PPP4R2: variants seen among roughly 807,000 people sequenced by gnomAD.
The protein encoded by PPP4R2 is protein phosphatase 4 regulatory subunit 2, also known as serine/threonine-protein phosphatase 4 regulatory subunit 2.
PPP4R2 carries 13 observed loss-of-function variants against 47.2 expected under a neutral mutation model. The observed-to-expected ratio is 0.28, with a 90% CI of 0.18 to 0.44. The LOEUF is 0.44. PPP4R2 is among the 20% of genes least tolerant of loss of function. PPP4R2 has a pLI of 1.00. For missense variants in PPP4R2, 421 were observed against 491.2 expected, an observed-to-expected ratio of 0.86 and a Z score of 1.35; for synonymous variants, 151 against 163.3, an observed-to-expected ratio of 0.92 and a Z score of 0.57.
intron 2 of PPP4R2, among the ~76,000 whole-genome samples, chr3:73,022,380 A>G (rs1701978171): frequency 6.6e-6 from 1 of 152,166 alleles, no homozygotes. Context: ...TGAGGTATAT[A>G]GAAGGTCAAC....
intron 2 of PPP4R2, among the ~76,000 whole-genome samples, chr3:73,031,032 A>G (rs921977931): frequency 1.6e-4 from 24 of 152,060 alleles, no homozygotes; most frequent in African/African-American, 5.8e-4. Context: ...GAAGCTGGGT[A>G]ATGAAGGGAG....
chr3:73,025,945 A>G (rs1702055040), intron 2 of PPP4R2, among the ~76,000 whole-genome samples: 1 of 152,172 alleles, frequency 6.6e-6, no homozygotes. Flanking sequence ...CACAGACAAC[A>G]TTAGGTTATG....
At chr3:73,047,885 G>C (rs912573010) in intron 3 of PPP4R2, among the ~76,000 whole-genome samples, 6 of 151,922 alleles carry the variant, frequency 3.9e-5, no homozygotes, top group African/African-American at 1.5e-4. Flanking sequence ...GTTTTGTTTT[G>C]TTTGTTTTTG....
intron 4 of PPP4R2, among the ~76,000 whole-genome samples, chr3:73,059,661 G>A (rs901710901): frequency 2.6e-5 from 4 of 151,948 alleles, no homozygotes; most frequent in African/African-American, 4.8e-5. Flanking sequence ...GGTGTGGGCT[G>A]GGTGTGGTGG....
chr3:73,028,941 T>C (rs1404910962), intron 2 of PPP4R2, among the ~76,000 whole-genome samples: 1 of 152,094 alleles, frequency 6.6e-6, no homozygotes, highest in South Asian at 2.1e-4. Context: ...TCCAGAGCCG[T>C]CGCAGTTTTT....
Position 73,065,561 on chromosome 3 carries a change from G to A in PPP4R2, c.1093G>A (p.Glu365Lys). The A allele has an allele frequency of 6.2e-7, 1 of 1,613,138 alleles. No homozygotes were observed. The highest frequency in any genetic ancestry group is 8.5e-7 in the Non-Finnish European group (1 of 1,179,678). The change falls in exon 9 of 9, where the codon GAA becomes AAA. Residue 365 changes from glutamate (E) to lysine (K), a missense_variant. Physicochemically the swap from Glu to Lys is moderately conservative, Grantham distance 56 (BLOSUM62 1). Transcript: ENST00000356692. ...AGATTTGCTACATTCTGAAGGTAGT[G>A]AAAACGAAGGCCCTGTAAGTAGTAG... is the stretch of plus-strand genomic sequence containing the variant. ...EKDLLHSEGS[E>K]NEGPVSSSSS...
intron 2 of PPP4R2, among the ~76,000 whole-genome samples, chr3:73,006,664 T>C (rs547176742): frequency 6.6e-6 from 1 of 152,318 alleles, no homozygotes; most frequent in South Asian, 2.1e-4. Flanking sequence ...ACCTCTAGAT[T>C]GGAGCACTGT....
rs200407050 is a variant in PPP4R2 at position 73,012,472 on chromosome 3, T to A, written c.116+14314T>A. On this transcript the variant is annotated intron_variant, in intron 2 of 8. Coordinates refer to ENST00000356692, the MANE Select transcript of PPP4R2 (RefSeq NM_174907.4). The stretch of plus-strand genomic sequence containing the variant: ...CTGCCACCACACCTGGATAATTTTT[T>A]AAATATTTTTAGTAAAGACTGTGTT... Among the ~76,000 whole-genome samples, 24 of 152,236 alleles carry A rather than the reference T, an allele frequency of 1.6e-4. No homozygotes were observed. In the East Asian group the frequency reaches 2.3e-3, roughly 15 times the overall value.
chr3:73,036,430 G>A (rs1433496290), intron 2 of PPP4R2, among the ~76,000 whole-genome samples: 2 of 152,178 alleles, frequency 1.3e-5, no homozygotes, highest in Non-Finnish European at 2.9e-5. Flanking sequence ...TGTTTGAAAT[G>A]GATAGCCCAA....
chr3:73,003,915 G>C (rs561407305), intron 2 of PPP4R2, among the ~76,000 whole-genome samples: 41 of 152,178 alleles, frequency 2.7e-4, no homozygotes, highest in African/African-American at 9.6e-4. Flanking sequence ...GGCTGGGCTG[G>C]TCTCGAACTC....
chr3:73,044,008 T>C (rs1434251952), intron 2 of PPP4R2, among the ~76,000 whole-genome samples: 1 of 152,252 alleles, frequency 6.6e-6, no homozygotes. Flanking sequence ...TTTTTGTGTC[T>C]GGCTTATTTC....
intron 2 of PPP4R2, among the ~76,000 whole-genome samples, chr3:73,012,902 CT>C (rs202207828): frequency 0.11 from 13,142 of 120,438 alleles, 793 homozygotes; most frequent in East Asian, 0.32. Flanking sequence ...AGAATGTAGG[CT>C]TTTTTTTTTT....
chr3:73,042,414 G>T (rs1241789515), intron 2 of PPP4R2, among the ~76,000 whole-genome samples: 1 of 144,140 alleles, frequency 6.9e-6, no homozygotes, highest in South Asian at 2.2e-4. Flanking sequence ...ACCCAGGCTG[G>T]AGTGCGGTGC....
chr3:73,004,844 G>GGGGT (rs767172629), intron 2 of PPP4R2, among the ~76,000 whole-genome samples: 5 of 99,496 alleles, frequency 5.0e-5, no homozygotes, highest in African/African-American at 1.8e-4. Context: ...TACAGTGTGG[G>GGGGT]GTGTGTGTGT....
intron 2 of PPP4R2, among the ~76,000 whole-genome samples, chr3:73,018,331 G>T (rs1701883466): frequency 6.6e-6 from 1 of 151,286 alleles, no homozygotes; most frequent in South Asian, 2.1e-4. Flanking sequence ...ATTTAAGTAT[G>T]TGCAGATTTT....
intron 3 of PPP4R2, among the ~76,000 whole-genome samples, chr3:73,049,562 G>T (rs140606211): frequency 1.4e-4 from 21 of 152,128 alleles, no homozygotes; most frequent in Non-Finnish European, 2.4e-4. Context: ...ATAGTACTTA[G>T]ACATAGTGAG....
intron 3 of PPP4R2, among the ~76,000 whole-genome samples, chr3:73,058,545 G>A (rs1702775009): frequency 6.6e-6 from 1 of 151,544 alleles, no homozygotes; most frequent in Admixed American, 6.6e-5. Flanking sequence ...TAAATAGTAG[G>A]TTTACATATT....
intron 2 of PPP4R2, among the ~76,000 whole-genome samples, chr3:73,009,210 TTGTC>T (rs2107220783): frequency 6.6e-6 from 1 of 152,274 alleles, no homozygotes; most frequent in African/African-American, 2.4e-5. Context: ...GCAGCACTGT[TTGTC>T]TGGGGGTGGT....
chr3:73,016,374 A>C (rs946201303), intron 2 of PPP4R2, among the ~76,000 whole-genome samples: 5 of 152,170 alleles, frequency 3.3e-5, no homozygotes, highest in Non-Finnish European at 7.4e-5. Context: ...GCCGGCATCT[A>C]GTGGGGTAGA....
Sources: gnomAD v4.1 joint callset for allele counts (sites outside exome capture counted in the v4.1 genomes callset) on GRCh38, gnomAD v4.1.1 for gene constraint, MANE v1.5 for transcripts, NCBI Gene and HGNC (gene_info 2026-07-23, HGNC 2026-07-21) for gene names.